Variants in FAM53B observed in about 807,000 individuals in gnomAD.
The protein encoded by FAM53B is family with sequence similarity 53 member B.
Under a neutral mutation model 32.7 loss-of-function variants are expected in FAM53B, and 12 were observed. The ratio of observed to expected loss-of-function variants is 0.37; its 90% CI spans 0.24 to 0.59. The LOEUF (loss-of-function observed/expected upper bound fraction) is 0.59. Among genes scored for constraint, FAM53B ranks in the 20% least tolerant of loss-of-function variants. The pLI is 0.72. For missense variants in FAM53B, 477 were observed against 577.7 expected, an observed-to-expected ratio of 0.83 and a Z score of 1.79; for synonymous variants, 234 against 228.7, an observed-to-expected ratio of 1.02 and a Z score of -0.21.
intron 3 of FAM53B, among the ~76,000 whole-genome samples, chr10:124,685,820 G>A (rs1167843130): frequency 6.6e-6 from 1 of 152,130 alleles, no homozygotes; most frequent in Non-Finnish European, 1.5e-5. Flanking sequence ...CTTCTTGAAG[G>A]GACCCCTCAG....
chr10:124,693,200 G>A (rs906929559), intron 3 of FAM53B, among the ~76,000 whole-genome samples: 5 of 152,154 alleles, frequency 3.3e-5, no homozygotes, highest in South Asian at 4.1e-4. Context: ...CGCCGGGCGC[G>A]GTGGCTCACG....
intron 3 of FAM53B, among the ~76,000 whole-genome samples, chr10:124,691,194 C>T (rs1379243063): frequency 6.6e-6 from 1 of 152,196 alleles, no homozygotes; most frequent in Non-Finnish European, 1.5e-5. Context: ...CTGGTTTACC[C>T]TGTAGAAATT....
chr10:124,623,127 T>G lies in FAM53B; in HGVS notation c.*115A>C. 7.3e-7 allele frequency: 1 copy of G among 1,371,506 alleles called. No homozygotes were observed. Among genetic ancestry groups the G allele is most frequent in the Non-Finnish European group, 9.8e-7 (1 of 1,017,450 alleles). 85.0% of individuals were successfully genotyped at this position (1,371,506 alleles called of 1,614,324 possible). A position where few individuals can be genotyped will look rare whatever the true frequency, so the allele number is the denominator to read the frequency against. ...CTCCCTCTCTGGGACCCGACACCACTCAGGAAGCTTTCATCAGGCCCACGA... is the reference window on the plus strand; with the variant it reads ...CTCCCTCTCTGGGACCCGACACCACGCAGGAAGCTTTCATCAGGCCCACGA... On this transcript the variant is annotated 3_prime_UTR_variant, in exon 5 of 5. Transcript: ENST00000337318.
At chr10:124,677,222 A>G (rs1015770095) in intron 4 of FAM53B, among the ~76,000 whole-genome samples, 1 of 152,242 alleles carries the variant, frequency 6.6e-6, no homozygotes, top group African/African-American at 2.4e-5. Flanking sequence ...GAGCCAACCA[A>G]TGCTGGGTGG....
chr10:124,649,802 A>G (rs1194784441), intron 4 of FAM53B, among the ~76,000 whole-genome samples: 7 of 152,286 alleles, frequency 4.6e-5, no homozygotes, highest in Admixed American at 2.0e-4. Flanking sequence ...CCAAATATAC[A>G]TAAGTCCCCA....
intron 4 of FAM53B, among the ~76,000 whole-genome samples, chr10:124,673,592 G>A (rs566867966): frequency 3.9e-5 from 6 of 152,310 alleles, no homozygotes; most frequent in Admixed American, 3.3e-4. Flanking sequence ...CCTAGGACCT[G>A]GATCCCTCCT....
At chr10:124,725,429 G>A (rs750690306) in intron 1 of FAM53B, among the ~76,000 whole-genome samples, 10 of 152,182 alleles carry the variant, frequency 6.6e-5, no homozygotes, top group African/African-American at 9.7e-5. Flanking sequence ...ACCACTGCAC[G>A]GAGACACTGA....
At position 124,651,709 on chromosome 10, in the gene FAM53B, G is replaced by A. The variant is rs930682855; in HGVS notation, c.907-28105C>T. ...GACCCTGGGGCCTGCCTGCTCTGGA[G>A]GGTCAAGGTCAGCAGAGCCCCACAG... On this transcript the variant is annotated intron_variant, in intron 4 of 4. Coordinates refer to ENST00000337318, the MANE Select transcript of FAM53B (RefSeq NM_014661.4). This position sits in a 1 kb window ranked among gnomAD's most constrained non-coding sequence, Gnocchi z 5.2. Among the ~76,000 whole-genome samples, 1 of 152,198 alleles carries A rather than the reference G, an allele frequency of 6.6e-6. No homozygotes were observed. The highest frequency in any genetic ancestry group is 6.5e-5 in the Admixed American group (1 of 15,288).
Position 124,670,574 on chromosome 10 carries a change from C to T in FAM53B, c.906+11033G>A, listed in dbSNP as rs539471822. 1.1e-4 allele frequency among the ~76,000 whole-genome samples: 16 copies of T among 152,330 alleles called. No homozygotes were observed. In the South Asian group the frequency reaches 3.3e-3, roughly 32 times the overall value. Reference sequence around the variant, plus strand: ...CCTGCGCTCACCACGCCCACTCCGACCCCAGTCACCGCAGCCTCGCCATGC... The same window carrying T: ...CCTGCGCTCACCACGCCCACTCCGATCCCAGTCACCGCAGCCTCGCCATGC... On this transcript the variant is annotated intron_variant, in intron 4 of 4. Coordinates refer to ENST00000337318, the MANE Select transcript of FAM53B (RefSeq NM_014661.4).
At chr10:124,735,494 C>T (rs947665717) in intron 1 of FAM53B, among the ~76,000 whole-genome samples, 2 of 152,226 alleles carry the variant, frequency 1.3e-5, no homozygotes, top group Non-Finnish European at 2.9e-5. Flanking sequence ...AAACCCTACG[C>T]TATCTGAGAG....
chr10:124,734,339 T>C (rs960565446), intron 1 of FAM53B, among the ~76,000 whole-genome samples: 11 of 152,202 alleles, frequency 7.2e-5, no homozygotes, highest in African/African-American at 1.4e-4. Flanking sequence ...TCCACATTGA[T>C]TGAACTGCAC....
At chr10:124,729,741 G>A (rs1038486467) in intron 1 of FAM53B, among the ~76,000 whole-genome samples, 1 of 152,174 alleles carries the variant, frequency 6.6e-6, no homozygotes, top group African/African-American at 2.4e-5. Context: ...TGTAGACAGC[G>A]TGGACTACAA....
At chr10:124,663,315 T>C (rs942431748) in intron 4 of FAM53B, among the ~76,000 whole-genome samples, 45 of 152,344 alleles carry the variant, frequency 3.0e-4, no homozygotes, top group Admixed American at 2.7e-3. Context: ...CTAAGGTTCC[T>C]GACATGAACC....
At chr10:124,736,406 A>G (rs1375422230) in intron 1 of FAM53B, among the ~76,000 whole-genome samples, 1 of 152,226 alleles carries the variant, frequency 6.6e-6, no homozygotes, top group Non-Finnish European at 1.5e-5. Flanking sequence ...ACTCAAAACC[A>G]CAGACCTCTT....
intron 4 of FAM53B, among the ~76,000 whole-genome samples, chr10:124,642,282 C>A (rs1461816151): frequency 6.6e-6 from 1 of 152,200 alleles, no homozygotes; most frequent in African/African-American, 2.4e-5. Context: ...GGCACGGGCT[C>A]CAGGGAAGGA....
intron 1 of FAM53B, among the ~76,000 whole-genome samples, chr10:124,712,258 A>C (rs1479200612): frequency 6.6e-6 from 1 of 152,102 alleles, no homozygotes; most frequent in East Asian, 1.9e-4. Flanking sequence ...CAGGAGGCTG[A>C]GGCGCAGGAA....
At chr10:124,672,346 G>A (rs1035727660) in intron 4 of FAM53B, among the ~76,000 whole-genome samples, 15 of 152,264 alleles carry the variant, frequency 9.9e-5, no homozygotes, top group African/African-American at 3.4e-4. Context: ...CCTCGGGCTG[G>A]GAGGGGCTTC....
chr10:124,673,692 C>T (rs1457983155), intron 4 of FAM53B, among the ~76,000 whole-genome samples: 1 of 152,182 alleles, frequency 6.6e-6, no homozygotes, highest in Non-Finnish European at 1.5e-5. Flanking sequence ...TGACACAAAA[C>T]TAGTCCCTGG....
intron 1 of FAM53B, among the ~76,000 whole-genome samples, chr10:124,723,579 C>G (rs1950083459): frequency 6.6e-6 from 1 of 152,234 alleles, no homozygotes; most frequent in South Asian, 2.1e-4. Flanking sequence ...CCCTCTCACA[C>G]CCAATCATGG....
Sources: allele counts gnomAD v4.1 joint callset (sites outside exome capture counted in the v4.1 genomes callset), GRCh38; gene constraint gnomAD v4.1.1; non-coding constraint Gnocchi (gnomAD v3.1); transcripts MANE v1.5; gene names NCBI Gene and HGNC (gene_info 2026-07-23, HGNC 2026-07-21).